Variants in SOS2 observed in about 807,000 individuals in gnomAD.
SOS2 encodes the protein son of sevenless homolog 2.
In SOS2, 65 loss-of-function variants were observed where a neutral mutation model predicts 148.2. The ratio of observed to expected loss-of-function variants is 0.44; its 90% CI spans 0.36 to 0.54. The LOEUF (loss-of-function observed/expected upper bound fraction) is 0.54, where lower values mean the gene tolerates loss of function less well. SOS2 is among the 20% of genes least tolerant of loss of function. The pLI, the probability that SOS2 is intolerant of heterozygous loss-of-function variation, is 0.00. For missense variants in SOS2, 1,341 were observed against 1,590.2 expected (o/e 0.84, Z 2.67); for synonymous variants, 539 against 537.1 (o/e 1.00, Z -0.05).
At chr14:50,225,649 A>C (rs971436647) in intron 1 of SOS2, among the ~76,000 whole-genome samples, 4 of 152,222 alleles carry the variant, frequency 2.6e-5, no homozygotes, top group Non-Finnish European at 5.9e-5. Flanking sequence ...ATAATTCCAA[A>C]TGACTCCCTC....
At chr14:50,154,836 G>C (rs1394172208) in intron 12 of SOS2, among the ~76,000 whole-genome samples, 2 of 152,186 alleles carry the variant, frequency 1.3e-5, no homozygotes, top group Non-Finnish European at 2.9e-5. Flanking sequence ...CTGGGGTGTA[G>C]TAACATTTGA....
At chr14:50,131,076 T>C (rs1403001376) in intron 19 of SOS2, among the ~76,000 whole-genome samples, 3 of 152,220 alleles carry the variant, frequency 2.0e-5, no homozygotes, top group East Asian at 3.8e-4. Flanking sequence ...AAAATATCTA[T>C]ATAGATTTTA....
chr14:50,174,684 A>G, intron 7 of SOS2, 132 bp from the exon 8 acceptor site: 1 of 458,776 alleles, frequency 2.2e-6, no homozygotes, highest in Non-Finnish European at 4.0e-6. Context: ...TGCATATTCT[A>G]TATTGAAACT....
chr14:50,191,503 C>T (rs1886138139), intron 4 of SOS2, among the ~76,000 whole-genome samples: 2 of 152,012 alleles, frequency 1.3e-5, no homozygotes. Flanking sequence ...CCCCCCAGCT[C>T]CAAACAATTT....
At chr14:50,173,317 G>A (rs1043292255) in intron 8 of SOS2, among the ~76,000 whole-genome samples, 4 of 152,054 alleles carry the variant, frequency 2.6e-5, no homozygotes, top group Admixed American at 6.5e-5. Flanking sequence ...TAGGCATCTA[G>A]GCAAGGAATA....
chr14:50,227,953 C>T (rs775635828), intron 1 of SOS2, among the ~76,000 whole-genome samples: 1 of 152,012 alleles, frequency 6.6e-6, no homozygotes, highest in East Asian at 1.9e-4. Flanking sequence ...CAGTACAGTG[C>T]TATGCTTGAA....
Position 50,180,630 on chromosome 14 carries a change from T to C in SOS2, c.911A>G (p.Glu304Gly), listed in dbSNP as rs1468661014. The C allele has an allele frequency of 6.2e-7, 1 of 1,605,436 alleles. No homozygotes were observed. Among genetic ancestry groups the C allele is most frequent in the Admixed American group, 1.7e-5 (1 of 58,484 alleles). The part of the protein sequence containing the change: ...ETLSQDILSP[E>G]FHEHFNKLMA... ...CAATTTATTGAAATGTTCATGAAAC[T>C]CTGGTGAAAGAATGTCCTGTGATAA... The change falls in exon 7 of 23, where the codon GAG becomes GGG. Residue 304 changes from glutamate to glycine, a missense_variant. This residue lies in a region of SOS2 where 574 missense variants were observed against 711.1 expected (regional missense o/e 0.81). Transcript: ENST00000216373.
intron 12 of SOS2, among the ~76,000 whole-genome samples, chr14:50,153,911 C>G (rs555096956): frequency 1.3e-5 from 2 of 151,818 alleles, no homozygotes. Flanking sequence ...CTGCACCCAG[C>G]CTATCATCAA....
chr14:50,225,275 G>A (rs1225553260), intron 1 of SOS2, among the ~76,000 whole-genome samples: 3 of 152,022 alleles, frequency 2.0e-5, no homozygotes, highest in African/African-American at 7.2e-5. Context: ...AATAATTTTT[G>A]GTTGTTAATT....
At chr14:50,215,032 T>C (rs575144715) in intron 1 of SOS2, among the ~76,000 whole-genome samples, 42 of 151,552 alleles carry the variant, frequency 2.8e-4, no homozygotes, top group African/African-American at 9.2e-4. Flanking sequence ...GAGACGGGGT[T>C]TCACTGTGTT....
chr14:50,202,401 G>A (rs946065904), intron 2 of SOS2, among the ~76,000 whole-genome samples: 22 of 152,138 alleles, frequency 1.4e-4, no homozygotes, highest in Non-Finnish European at 2.9e-4. Flanking sequence ...TTTAGCTATT[G>A]AAAAATATGC....
In SOS2 at chr14:50,171,343, C is replaced by T. The variant is rs185091434; in HGVS notation, c.1068+3111G>A. 6.6e-5 allele frequency among the ~76,000 whole-genome samples: 10 copies of T among 152,042 alleles called. No individual in the cohort carries two copies. In the East Asian group the frequency reaches 1.7e-3, roughly 26 times the overall value. On this transcript the variant is annotated intron_variant, in intron 8 of 22. Coordinates refer to ENST00000216373, the MANE Select transcript of SOS2 (RefSeq NM_006939.4). ...GCAAGGTCTCAAAGACATATTTGTA[C>T]ACTCACATTCACAGAAGCATTATTT...
intron 1 of SOS2, among the ~76,000 whole-genome samples, chr14:50,205,937 G>C (rs547432413): frequency 1.0e-3 from 155 of 149,894 alleles, no homozygotes; most frequent in Non-Finnish European, 1.9e-3. Flanking sequence ...GCATAAAATT[G>C]TGCATTATAG....
intron 8 of SOS2, among the ~76,000 whole-genome samples, chr14:50,170,297 C>T (rs1425445641): frequency 6.6e-6 from 1 of 151,794 alleles, no homozygotes; most frequent in African/African-American, 2.4e-5. Context: ...AGATTATTAT[C>T]TTAACATATA....
At chr14:50,217,694 C>T (rs1322305530) in intron 1 of SOS2, among the ~76,000 whole-genome samples, 7 of 152,076 alleles carry the variant, frequency 4.6e-5, no homozygotes, top group South Asian at 2.1e-4. Flanking sequence ...CGGTGGCTCA[C>T]GCCTGTAATC....
intron 1 of SOS2, among the ~76,000 whole-genome samples, chr14:50,223,019 G>A (rs960494034): frequency 2.0e-5 from 3 of 152,114 alleles, no homozygotes; most frequent in African/African-American, 7.2e-5. Flanking sequence ...AGTATAAAAC[G>A]GTAACTAAAT....
chr14:50,187,448 C>T (rs145527399), intron 5 of SOS2, among the ~76,000 whole-genome samples: 2,012 of 150,396 alleles, frequency 0.013, 38 homozygotes, highest in African/African-American at 0.045. Flanking sequence ...CCCAGGTTCA[C>T]GCCATTCTCC....
At chr14:50,226,016 C>CCT (rs1887362367) in intron 1 of SOS2, among the ~76,000 whole-genome samples, 1 of 151,928 alleles carries the variant, frequency 6.6e-6, no homozygotes, top group Non-Finnish European at 1.5e-5. Flanking sequence ...TCCCCCCCGC[C>CCT]CTTTTTTTTT....
chr14:50,219,157 A>T (rs904160352), intron 1 of SOS2, among the ~76,000 whole-genome samples: 1 of 151,828 alleles, frequency 6.6e-6, no homozygotes, highest in Admixed American at 6.6e-5. Context: ...CGATCCAACC[A>T]CTCTTTGGTA....
Sources: allele counts gnomAD v4.1 joint callset (sites outside exome capture counted in the v4.1 genomes callset), GRCh38; gene constraint gnomAD v4.1.1; regional missense constraint gnomAD v4.1.1; transcripts MANE v1.5; gene names NCBI Gene and HGNC (gene_info 2026-07-23, HGNC 2026-07-21).